The following SLC2A7 variants were observed in gnomAD, a reference collection of about 807,000 sequenced individuals.
The protein encoded by SLC2A7 is solute carrier family 2 member 7.
A neutral mutation model predicts 50.5 loss-of-function variants in SLC2A7; 50 were observed. The ratio of observed to expected loss-of-function variants is 0.99; its 90% confidence interval spans 0.79 to 1.25. The LOEUF (loss-of-function observed/expected upper bound fraction) is 1.25, where lower values mean the gene tolerates loss of function less well. Among genes scored for constraint, SLC2A7 ranks in the 50% most tolerant of loss-of-function variants. The probability of loss-of-function intolerance (pLI) is 0.00; values close to 1 mark genes in which losing one functional copy is unlikely to be tolerated. For missense variants in SLC2A7, 683 were observed against 679.1 expected, an observed-to-expected ratio of 1.01 and a Z score of -0.06; for synonymous variants, 308 against 300.4, an observed-to-expected ratio of 1.03 and a Z score of -0.26.
At chr1:9,013,328 C>G (rs1312916466) in intron 8 of SLC2A7, among the ~76,000 whole-genome samples, 197 bp downstream of exon 8, 1 of 152,146 alleles carries the variant, frequency 6.6e-6, no homozygotes, top group Non-Finnish European at 1.5e-5. Flanking sequence ...CCGCGCCCGG[C>G]CGGCTCTGAA....
At chr1:9,023,835 C>CTTTTTTTTTTTTTTTTTTTTTTTTTTTT (rs1557653846) in intron 2 of SLC2A7, among the ~76,000 whole-genome samples, 1 of 65,998 alleles carries the variant, frequency 1.5e-5, no homozygotes, top group Non-Finnish European at 2.9e-5. Context: ...AAATATTCTT[C>CTTTTTTTTTTTTTTTTTTTTTTTTTTTT]TTCTTTTTTT....
downstream of SLC2A7, among the ~76,000 whole-genome samples, chr1:8,998,492 C>T (rs1014489454): frequency 5.9e-5 from 9 of 152,172 alleles, no homozygotes; most frequent in African/African-American, 9.7e-5. Flanking sequence ...TAACTGTTCA[C>T]TATTATTGCG....
chr1:9,019,391 A>G, intron 3 of SLC2A7, 58 bp from the exon 4 acceptor site: 1 of 1,600,406 alleles, frequency 6.2e-7, no homozygotes, highest in Non-Finnish European at 8.5e-7. Context: ...AAGCCCTCCC[A>G]ACACCAGCTC....
chr1:9,011,753 T>C (rs1324750911), intron 8 of SLC2A7, among the ~76,000 whole-genome samples: 1 of 140,706 alleles, frequency 7.1e-6, no homozygotes, highest in Non-Finnish European at 1.6e-5. Flanking sequence ...CTTCTTTTTT[T>C]TTTTTTTTTT....
At chr1:8,999,602 C>T (rs1640548727), downstream of SLC2A7, among the ~76,000 whole-genome samples, 1 of 152,220 alleles carries the variant, frequency 6.6e-6, no homozygotes, top group Non-Finnish European at 1.5e-5. Context: ...GGCTTCTTCA[C>T]TGATTTGCTC....
Position 9,023,058 on chromosome 1 carries a change from G to T in SLC2A7, c.171C>A (p.Asn57Lys), listed in dbSNP as rs746026037. Residue 57 changes from asparagine to lysine, a missense_variant, in exon 3 of 12, where the codon AAC becomes AAA. By Grantham distance (94) the Asn-to-Lys change is moderately conservative. Coordinates refer to ENST00000400906, the MANE Select transcript of SLC2A7 (RefSeq NM_207420.3). ...TTGCGTGTCGCTCAAAGTAGGTTTC[G>T]TTGTAAAATGACTTGAAGACCTGGA... Reference protein sequence around the residue: ...TPHKVFKSFYNETYFERHATF... With the variant: ...TPHKVFKSFYKETYFERHATF... 7.4e-6 allele frequency: 12 copies of T among 1,613,614 alleles called. No homozygotes were observed. Among genetic ancestry groups the T allele is most frequent in the Middle Eastern group, 3.3e-4 (2 of 6,078 alleles).
At chr1:9,019,095 C>T (rs12031065) in intron 4 of SLC2A7, 114 bp downstream of exon 4, 407,084 of 1,376,366 alleles carry the variant, frequency 0.3, 63,676 homozygotes, top group African/African-American at 0.5. Flanking sequence ...GATGGGAGGA[C>T]GTCTTGAAAT....
Position 9,007,391 on chromosome 1 carries a change from G to C in SLC2A7, c.1117-6C>G. ...GACAGCTCGGGGACCCTGTTCTGTG[G>C]GGAGAGGCAGGGCTGTCTGGGCTGA... On this transcript the variant is annotated splice_region_variant and splice_polypyrimidine_tract_variant and intron_variant, in intron 9 of 11. Coordinates refer to ENST00000400906, the MANE Select transcript of SLC2A7 (RefSeq NM_207420.3). 1 of 1,614,040 alleles carries C rather than the reference G, an allele frequency of 6.2e-7. No homozygotes were observed. The highest frequency in any genetic ancestry group is 8.5e-7 in the Non-Finnish European group (1 of 1,179,948).
intron 4 of SLC2A7, among the ~76,000 whole-genome samples, chr1:9,018,771 T>C (rs192986080): frequency 1.0e-3 from 154 of 152,390 alleles, no homozygotes; most frequent in Middle Eastern, 3.4e-3. Context: ...GTTAAGAAAC[T>C]ACTGAGTTTA....
intron 9 of SLC2A7, among the ~76,000 whole-genome samples, chr1:9,009,747 TG>T (rs1640717842): frequency 6.6e-6 from 1 of 152,224 alleles, no homozygotes; most frequent in South Asian, 2.1e-4. Flanking sequence ...AGTGAGCCAC[TG>T]TGCTCAGCCT....
chr1:9,018,891 G>A (rs958316359), intron 4 of SLC2A7, among the ~76,000 whole-genome samples: 12 of 152,290 alleles, frequency 7.9e-5, no homozygotes, highest in Admixed American at 4.6e-4. Flanking sequence ...GCTAGTAAGC[G>A]TGAGGCTTGG....
In SLC2A7 at chr1:9,016,601, C is replaced by CAGGA. The variant is rs752430665; in HGVS notation, c.590-1363_590-1360dup. 2.1e-5 allele frequency among the ~76,000 whole-genome samples: 3 copies of CAGGA among 145,364 alleles called. No homozygotes were observed. The Admixed American group carries it at 2.1e-4, about 10-fold the overall frequency. On this transcript the variant is annotated intron_variant, in intron 5 of 11. Coordinates refer to ENST00000400906, the MANE Select transcript of SLC2A7 (RefSeq NM_207420.3). ...TCCAGCCTGGGTGACAGAGTGAGACCAGGAAGGAAGGAAGGAAGGGAAGGA... is the reference window on the plus strand; with the variant it reads ...TCCAGCCTGGGTGACAGAGTGAGACCAGGAAGGAAGGAAGGAAGGAAGGGAAGGA...
At chr1:9,006,533 T>C (rs1640655768) in intron 10 of SLC2A7, among the ~76,000 whole-genome samples, 1 of 152,222 alleles carries the variant, frequency 6.6e-6, no homozygotes, top group South Asian at 2.1e-4. Flanking sequence ...ATTACAGGCA[T>C]GAGCCACCAT....
chr1:9,018,396 A>T, intron 4 of SLC2A7, 21 bp from the exon 5 acceptor site: 1 of 1,613,614 alleles, frequency 6.2e-7, no homozygotes, highest in South Asian at 1.1e-5. Flanking sequence ...CACAGCAGAA[A>T]TCAGGGCAGG....
chr1:9,005,264 T>C lies in SLC2A7; in HGVS notation c.1193-385A>G, dbSNP rs1029482804. On this transcript the variant is annotated intron_variant, in intron 10 of 11. Transcript: ENST00000400906. Reference sequence around the variant, plus strand: ...CCTTTGCGCTGGCGTCACTCTGACTTGAGACCGCCCGCGCTTGGGAAGTGC... The same window carrying C: ...CCTTTGCGCTGGCGTCACTCTGACTCGAGACCGCCCGCGCTTGGGAAGTGC... 2.6e-5 allele frequency among the ~76,000 whole-genome samples: 4 copies of C among 152,288 alleles called. No homozygotes were observed. The South Asian group carries it at 8.3e-4, about 32-fold the overall frequency.
At chr1:8,997,828 T>C in the SLC2A7 span, among the ~76,000 whole-genome samples, 1 of 152,218 alleles carries the variant, frequency 6.6e-6, no homozygotes, top group Non-Finnish European at 1.5e-5. Context: ...ACCTTTCAAA[T>C]AGAAAATTTT....
intron 4 of SLC2A7, 75 bp from the exon 5 acceptor site, chr1:9,018,450 C>T: frequency 2.5e-6 from 4 of 1,571,718 alleles, no homozygotes; most frequent in Non-Finnish European, 3.5e-6. Flanking sequence ...AATTCCGTTT[C>T]CTAATCCCGG....
rs1641002033 is a variant in SLC2A7, at chr1:9,026,356, G to A, written c.-11C>T. On this transcript the variant is annotated 5_prime_UTR_variant, in exon 1 of 12. Transcript: ENST00000400906. The stretch of plus-strand genomic sequence containing the variant: ...CTCTTTGTTCTCCATCCTTGTTCAG[G>A]TGGGAGAACAGGTGTGCTCTACCTC... 3 of 1,601,112 alleles carry A rather than the reference G, an allele frequency of 1.9e-6. No individual in the cohort carries two copies. The highest frequency in any genetic ancestry group is 2.2e-5 in the East Asian group (1 of 44,648).
intron 3 of SLC2A7, among the ~76,000 whole-genome samples, chr1:9,020,272 A>T (rs1045189411): frequency 6.6e-6 from 1 of 152,214 alleles, no homozygotes; most frequent in Non-Finnish European, 1.5e-5. Flanking sequence ...AGAGCTTCCC[A>T]TCACTGGTGG....
Sources: gnomAD v4.1 joint callset for allele counts (sites outside exome capture counted in the v4.1 genomes callset) on GRCh38, gnomAD v4.1.1 for gene constraint, MANE v1.5 for transcripts, NCBI Gene and HGNC (gene_info 2026-07-23, HGNC 2026-07-21) for gene names.